ZFX: variants seen among roughly 807,000 people sequenced by gnomAD.
The protein encoded by ZFX is zinc finger X-chromosomal protein.
For missense variants in ZFX, 362 were observed against 628.3 expected, an observed-to-expected ratio of 0.58 and a Z score of 4.53; for synonymous variants, 196 against 226.8, an observed-to-expected ratio of 0.86 and a Z score of 1.22.
At chrX:24,203,269 G>T (rs931668422) in intron 5 of ZFX, among the ~76,000 whole-genome samples, 11 of 111,958 alleles carry the variant, frequency 9.8e-5, no homozygotes, top group African/African-American at 3.6e-4. Flanking sequence ...CTGATTCAAG[G>T]CCTCGTCATC....
chrX:24,204,538 A>C (rs751086638), intron 5 of ZFX, among the ~76,000 whole-genome samples: 18 of 112,148 alleles, frequency 1.6e-4, no homozygotes, highest in African/African-American at 5.5e-4. Context: ...AACCACCACC[A>C]CCTAGCCTTG....
At chrX:24,188,996 C>A (rs1400851268) in intron 5 of ZFX, among the ~76,000 whole-genome samples, 1 of 111,130 alleles carries the variant, frequency 9.0e-6, no homozygotes, top group Non-Finnish European at 1.9e-5. Flanking sequence ...TGCCACCACA[C>A]CTGACTAATT....
intron 7 of ZFX, 121 bp downstream of exon 7, chrX:24,207,976 A>G (rs1383404591): frequency 1.0e-6 from 1 of 958,403 alleles, no homozygotes; most frequent in Admixed American, 3.0e-5. Context: ...CAAGGGAAAC[A>G]TCTTTGACTC....
chrX:24,206,368 T>A (rs149447521), intron 5 of ZFX, among the ~76,000 whole-genome samples: 48 of 110,915 alleles, frequency 4.3e-4, no homozygotes, highest in African/African-American at 1.5e-3. Context: ...CTTCTAAGTT[T>A]TTTTGTTGTT....
At chrX:24,185,795 A>G (rs1936059058) in intron 5 of ZFX, among the ~76,000 whole-genome samples, 1 of 111,534 alleles carries the variant, frequency 9.0e-6, no homozygotes, top group Non-Finnish European at 1.9e-5. Flanking sequence ...GTCGGGCACA[A>G]TGGCTTATGC....
chrX:24,154,034 T>C (rs1306109094), intron 3 of ZFX, among the ~76,000 whole-genome samples: 1 of 111,647 alleles, frequency 9.0e-6, no homozygotes, highest in African/African-American at 3.3e-5. Context: ...TGCCAAGTTA[T>C]TTTTCCAGAC....
intron 9 of ZFX, among the ~76,000 whole-genome samples, chrX:24,209,319 A>G (rs1319947732): frequency 8.9e-6 from 1 of 112,603 alleles, no homozygotes; most frequent in East Asian, 2.8e-4. Flanking sequence ...AATATGTTAT[A>G]AGCATTAACT....
At position 24,215,717 on chromosome X, in the gene ZFX, G is replaced by T. The variant is rs207478165; in HGVS notation, c.*4341G>T. On this transcript the variant is annotated 3_prime_UTR_variant, in exon 10 of 10. Coordinates refer to ENST00000304543, the MANE Select transcript of ZFX (RefSeq NM_003410.4). ...GTGAGCCTGCCAAGTCAACAAGTAT[G>T]CCTTTAGCGCACATGTAAATAGCCT... 3.6e-5 allele frequency: 4 copies of T among 110,987 alleles called. No homozygotes were observed. The highest frequency in any genetic ancestry group is 7.5e-5 in the Non-Finnish European group (4 of 53,020). 9.1% of individuals were successfully genotyped at this position (110,987 alleles called of 1,213,427 possible).
At chrX:24,155,398 T>C (rs1400397284) in intron 3 of ZFX, among the ~76,000 whole-genome samples, 2 of 111,900 alleles carry the variant, frequency 1.8e-5, no homozygotes, top group African/African-American at 6.5e-5. Context: ...TCATTTTATT[T>C]GTATTTCAGT....
intron 5 of ZFX, among the ~76,000 whole-genome samples, chrX:24,186,569 G>A (rs1291353398): frequency 1.8e-5 from 2 of 110,917 alleles, no homozygotes; most frequent in African/African-American, 3.3e-5. Context: ...GTTGCAGTGA[G>A]CTGTAATCAT....
rs1231310077 is a variant in ZFX at position 24,215,499 on chromosome X, G to A, written c.*4123G>A. ...GACCCAGCAGTCTTTGTTTTAACAT[G>A]TTCTCCAAGTGATTCTGATGCCTGT... On this transcript the variant is annotated 3_prime_UTR_variant, in exon 10 of 10. Transcript: ENST00000304543. 9.0e-6 allele frequency: 1 copy of A among 111,676 alleles called. No homozygotes were observed. Among genetic ancestry groups the A allele is most frequent in the Non-Finnish European group, 1.9e-5 (1 of 53,182 alleles). 9.2% of individuals were successfully genotyped at this position (111,676 alleles called of 1,213,427 possible). A position where few individuals can be genotyped will look rare whatever the true frequency, so the allele number is the denominator to read the frequency against.
intron 3 of ZFX, among the ~76,000 whole-genome samples, chrX:24,157,938 T>C (rs1932887681): frequency 9.0e-6 from 1 of 111,010 alleles, no homozygotes; most frequent in Admixed American, 9.6e-5. Flanking sequence ...TTTTGTATTT[T>C]AGTCGAGACA....
At chrX:24,165,128 T>C (rs1369095599) in intron 3 of ZFX, among the ~76,000 whole-genome samples, 1 of 78,248 alleles carries the variant, frequency 1.3e-5, no homozygotes, top group Non-Finnish European at 2.5e-5. Flanking sequence ...TTTTCTTTTC[T>C]TTCTTTTTTT....
At position 24,208,361 on chromosome X, in the gene ZFX, G is replaced by A; in HGVS notation, c.1084G>A (p.Ala362Thr). 8.3e-7 allele frequency: 1 copy of A among 1,209,410 alleles called. No individual in the cohort carries two copies. The highest frequency in any genetic ancestry group is 1.8e-5 in the South Asian group (1 of 56,139). ...AACCTTCATGCCGATTGCATGGGCA[G>A]CAGCTTATGGTAAGTTGCCCAGCAG... ...IKTFMPIAWA[A>T]AYGNNSDGIE... Residue 362 changes from alanine (A) to threonine (T), a missense_variant, in exon 8 of 10, where the codon GCA (alanine) becomes ACA (threonine). Ala to Thr is a moderately conservative substitution (Grantham distance 58, BLOSUM62 0). Coordinates refer to ENST00000304543, the MANE Select transcript of ZFX (RefSeq NM_003410.4).
rs1203719250 is a variant in ZFX at position 24,208,731 on chromosome X, A to G, written c.1094-169A>G. The stretch of plus-strand genomic sequence containing the variant: ...TAGCTTTGGAAGCTAGGCGTTTCCT[A>G]CGGTCTCGCGATAATAAATGTGCTC... On this transcript the variant is annotated intron_variant, in intron 8 of 9. Transcript: ENST00000304543. Among the ~76,000 whole-genome samples, 4 of 111,519 alleles carry G rather than the reference A, an allele frequency of 3.6e-5. No individual in the cohort carries two copies. In the Admixed American group the frequency reaches 3.8e-4, roughly 11 times the overall value.
At chrX:24,180,096 G>C (rs1381031837) in intron 5 of ZFX, among the ~76,000 whole-genome samples, 5 of 109,979 alleles carry the variant, frequency 4.5e-5, no homozygotes, top group South Asian at 4.0e-4. Flanking sequence ...ACCGGGTGTG[G>C]TGGTGGGCGC....
In ZFX at chrX:24,215,204, A is replaced by G. The variant is rs1938383230; in HGVS notation, c.*3828A>G. 9.0e-6 allele frequency: 1 copy of G among 111,629 alleles called. No individual in the cohort carries two copies. Among genetic ancestry groups the G allele is most frequent in the South Asian group, 3.7e-4 (1 of 2,668 alleles). The allele number at this position is 111,629 out of a possible 1,213,427, so 9.2% of individuals were successfully genotyped here. Reference sequence around the variant, plus strand: ...TGGAACACCCAACAAATGACACCTAACCTGTCTGTGATCCAACAAGTCCGA... The same window carrying G: ...TGGAACACCCAACAAATGACACCTAGCCTGTCTGTGATCCAACAAGTCCGA... On this transcript the variant is annotated 3_prime_UTR_variant, in exon 10 of 10. Transcript: ENST00000304543.
Position 24,149,806 on chromosome X carries a change from G to C in ZFX, c.-250+12G>C, listed in dbSNP as rs1931746821. 9.1e-6 allele frequency: 1 copy of C among 109,862 alleles called. No individual in the cohort carries two copies. Among genetic ancestry groups the C allele is most frequent in the Non-Finnish European group, 1.9e-5 (1 of 52,083 alleles). 9.1% of individuals were successfully genotyped at this position (109,862 alleles called of 1,213,427 possible). A position where few individuals can be genotyped will look rare whatever the true frequency, so the allele number is the denominator to read the frequency against. On this transcript the variant is annotated intron_variant, in intron 1 of 9. Transcript: ENST00000304543. ...CGCACGTCCGTCCGGTGAGTCCCGG[G>C]TGCCGCCGCGGCCGCGGGGCCTAGT... is the stretch of plus-strand genomic sequence containing the variant.
intron 5 of ZFX, among the ~76,000 whole-genome samples, chrX:24,191,020 C>A (rs1277220524): frequency 8.9e-6 from 1 of 111,870 alleles, no homozygotes; most frequent in African/African-American, 3.3e-5. Flanking sequence ...GGCTCAATCT[C>A]GACTAGCTTC....
Sources: gnomAD v4.1 joint callset for allele counts (sites outside exome capture counted in the v4.1 genomes callset) on GRCh38, gnomAD v4.1.1 for gene constraint, MANE v1.5 for transcripts, NCBI Gene and HGNC (gene_info 2026-07-23, HGNC 2026-07-21) for gene names.